MTHFD2L: variants seen among roughly 807,000 people sequenced by gnomAD.
MTHFD2L encodes the protein bifunctional methylenetetrahydrofolate dehydrogenase/cyclohydrolase 2, mitochondrial.
In MTHFD2L, 29 loss-of-function variants were observed where a neutral mutation model predicts 34.9. That is an observed-to-expected ratio of 0.83 (90% CI 0.62 to 1.13). The LOEUF is 1.13. MTHFD2L is among the 50% of genes most tolerant of loss of function. The pLI is 0.00. For missense variants in MTHFD2L, 481 were observed against 446.5 expected, an observed-to-expected ratio of 1.08 and a Z score of -0.70; for synonymous variants, 167 against 155.7, an observed-to-expected ratio of 1.07 and a Z score of -0.54.
chr4:74,268,589 A>G (rs1306130391), intron 6 of MTHFD2L, among the ~76,000 whole-genome samples: 3 of 152,088 alleles, frequency 2.0e-5, no homozygotes, highest in Non-Finnish European at 2.9e-5. Flanking sequence ...AGTCCTTTGA[A>G]CTCTACTAAT....
intron 6 of MTHFD2L, among the ~76,000 whole-genome samples, chr4:74,268,411 A>C (rs1336744930): frequency 6.6e-6 from 1 of 151,952 alleles, no homozygotes; most frequent in Non-Finnish European, 1.5e-5. Flanking sequence ...TATCTGAGTT[A>C]GAGTTCTGGT....
intron 3 of MTHFD2L, among the ~76,000 whole-genome samples, chr4:74,187,714 A>G (rs1718069890): frequency 6.8e-6 from 1 of 147,900 alleles, no homozygotes; most frequent in African/African-American, 2.6e-5. Context: ...ATAGTTTGGC[A>G]GTATCTTAAA....
At chr4:74,164,171 T>C (rs577933434) in intron 1 of MTHFD2L, among the ~76,000 whole-genome samples, 29 of 152,288 alleles carry the variant, frequency 1.9e-4, no homozygotes, top group Middle Eastern at 3.4e-3. Flanking sequence ...CCACCATGCC[T>C]GGCCAGGTTT....
intron 3 of MTHFD2L, among the ~76,000 whole-genome samples, chr4:74,196,687 G>A (rs1474750735): frequency 6.6e-6 from 1 of 152,032 alleles, no homozygotes; most frequent in Non-Finnish European, 1.5e-5. Context: ...AGTGGCTCAT[G>A]CCTGTAATCC....
chr4:74,243,045 A>T (rs1042115687), intron 6 of MTHFD2L, among the ~76,000 whole-genome samples: 6 of 152,170 alleles, frequency 3.9e-5, no homozygotes, highest in Non-Finnish European at 7.4e-5. Context: ...TTGAAAATTG[A>T]TGAGAGAGAG....
At chr4:74,213,142 CTT>C (rs1396096591) in intron 5 of MTHFD2L, among the ~76,000 whole-genome samples, 3 of 152,054 alleles carry the variant, frequency 2.0e-5, no homozygotes, top group Admixed American at 2.0e-4. Context: ...GGTCTTGACT[CTT>C]TATCCAATTT....
chr4:74,247,779 C>T (rs1259707839), intron 6 of MTHFD2L, among the ~76,000 whole-genome samples: 1 of 152,150 alleles, frequency 6.6e-6, no homozygotes, highest in East Asian at 1.9e-4. Context: ...TGCTGGATTA[C>T]ATTTAATGAT....
At chr4:74,142,991 T>C (rs1437684085) in intron 1 of MTHFD2L, among the ~76,000 whole-genome samples, 1 of 152,184 alleles carries the variant, frequency 6.6e-6, no homozygotes, top group Non-Finnish European at 1.5e-5. Context: ...CCAATGATCA[T>C]GGAGGATGGA....
At chr4:74,217,188 T>A (rs896910716) in intron 5 of MTHFD2L, among the ~76,000 whole-genome samples, 1 of 151,848 alleles carries the variant, frequency 6.6e-6, no homozygotes, top group Non-Finnish European at 1.5e-5. Flanking sequence ...AAATGCTTTT[T>A]TTCCTCAAGT....
chr4:74,178,408 A>G (rs1729462207), intron 3 of MTHFD2L, among the ~76,000 whole-genome samples: 1 of 152,066 alleles, frequency 6.6e-6, no homozygotes, highest in African/African-American at 2.4e-5. Context: ...ACAGATTTCT[A>G]ACTACGTTGG....
At position 74,175,209 on chromosome 4, in the gene MTHFD2L, T is replaced by C. The variant is rs1214941255; in HGVS notation, c.329-72T>C. The C allele has an allele frequency of 4.0e-6, 6 of 1,512,080 alleles. No individual in the cohort carries two copies. The Admixed American group carries it at 9.3e-5, about 23-fold the overall frequency. 93.7% of individuals were successfully genotyped at this position (1,512,080 alleles called of 1,614,324 possible). On this transcript the variant is annotated intron_variant, in intron 2 of 7. Transcript: ENST00000325278. ...CACGGCAGTAGGAACAGTCCCACACTGTGTCAGACACTATTGATGAAAAAC... is the reference window on the plus strand; with the variant it reads ...CACGGCAGTAGGAACAGTCCCACACCGTGTCAGACACTATTGATGAAAAAC...
At chr4:74,290,907 A>G (rs1441876866) in intron 7 of MTHFD2L, among the ~76,000 whole-genome samples, 1 of 150,166 alleles carries the variant, frequency 6.7e-6, no homozygotes, top group Non-Finnish European at 1.5e-5. Flanking sequence ...TTTTGCTCTT[A>G]ATGCTATACT....
chr4:74,172,868 CT>C (rs1728301219), intron 1 of MTHFD2L, among the ~76,000 whole-genome samples: 2 of 152,262 alleles, frequency 1.3e-5, no homozygotes, highest in Middle Eastern at 3.4e-3. Flanking sequence ...CAAGTTCTAC[CT>C]ATACGTCCAC....
At position 74,201,245 on chromosome 4, in the gene MTHFD2L, C is replaced by T. The variant is rs374489930; in HGVS notation, c.605-18C>T. On this transcript the variant is annotated intron_variant, in intron 4 of 7. Transcript: ENST00000325278. ...CTTGTTGTCAATTCTGCATTTAAAC[C>T]GAACTCTGTATTTTAAGGAATTCAA... The T allele has an allele frequency of 2.0e-5, 32 of 1,594,212 alleles. No homozygotes were observed. Among genetic ancestry groups the T allele is most frequent in the Non-Finnish European group, 2.6e-5 (30 of 1,164,006 alleles).
intron 3 of MTHFD2L, chr4:74,180,632 C>A: frequency 2.4e-6 from 1 of 409,792 alleles, no homozygotes; most frequent in Non-Finnish European, 5.1e-6. Context: ...AGATAGAATT[C>A]TGTCCTGTTT....
Position 74,245,839 on chromosome 4 carries a change from G to A in MTHFD2L, c.805+20445G>A, listed in dbSNP as rs559910229. Among the ~76,000 whole-genome samples the A allele has an allele frequency of 8.9e-3, 1,355 of 151,456 alleles. 26 individuals are homozygous for A. The highest frequency in any genetic ancestry group is 0.031 in the African/African-American group (1,287 of 41,184). ...TTTTTATGGCTGCATAGTATTCCAT[G>A]GTGTATATGTGCCACATTTTCTTAA... On this transcript the variant is annotated intron_variant, in intron 6 of 7. Transcript: ENST00000325278.
chr4:74,216,111 A>G (rs1368560361), intron 5 of MTHFD2L, among the ~76,000 whole-genome samples: 1 of 151,912 alleles, frequency 6.6e-6, no homozygotes, highest in African/African-American at 2.4e-5. Flanking sequence ...TATAAAATAA[A>G]TTGAATAATA....
At chr4:74,230,798 C>G (rs1208025774) in intron 6 of MTHFD2L, among the ~76,000 whole-genome samples, 1 of 152,056 alleles carries the variant, frequency 6.6e-6, no homozygotes, top group Non-Finnish European at 1.5e-5. Flanking sequence ...TGTTGGAGAT[C>G]ATTGGGCTTT....
intron 1 of MTHFD2L, among the ~76,000 whole-genome samples, chr4:74,165,430 T>A (rs1169584421): frequency 6.6e-6 from 1 of 152,182 alleles, no homozygotes; most frequent in Non-Finnish European, 1.5e-5. Flanking sequence ...TGATCTTGGC[T>A]CACTGCAACC....
Sources: allele counts gnomAD v4.1 joint callset (sites outside exome capture counted in the v4.1 genomes callset), GRCh38; gene constraint gnomAD v4.1.1; transcripts MANE v1.5; gene names NCBI Gene and HGNC (gene_info 2026-07-23, HGNC 2026-07-21).